FHIP1B: variants seen among roughly 807,000 people sequenced by gnomAD.
The protein encoded by FHIP1B is FHF complex subunit HOOK-interacting protein 1B.
In FHIP1B, 28 loss-of-function variants were observed where a neutral mutation model predicts 82.2. The observed-to-expected ratio is 0.34, with a 90% CI of 0.25 to 0.47. The LOEUF is 0.47. FHIP1B is among the 20% of genes least tolerant of loss of function. FHIP1B has a pLI of 1.00. For missense variants in FHIP1B, 1,110 were observed against 1,262.6 expected, an observed-to-expected ratio of 0.88 and a Z score of 1.83; for synonymous variants, 585 against 516.1, an observed-to-expected ratio of 1.13 and a Z score of -1.81.
chr11:6,231,080 G>A (rs1028453967), intron 1 of FHIP1B, among the ~76,000 whole-genome samples: 1 of 152,174 alleles, frequency 6.6e-6, no homozygotes, highest in Non-Finnish European at 1.5e-5. Context: ...CCAGAAAATA[G>A]CAAGTTTTAA....
chr11:6,223,803 T>C lies in FHIP1B; in HGVS notation c.584A>G (p.Glu195Gly). Reference sequence around the variant, plus strand: ...CTCAGGAGGTGGCTGCAGGAAGAACTCGAGCAATGAAGGCTCCTGGGCCAC... The same window carrying C: ...CTCAGGAGGTGGCTGCAGGAAGAACCCGAGCAATGAAGGCTCCTGGGCCAC... ...VCVAQEPSLL[E>G]FFLQPPPEPG... Residue 195 changes from glutamate (E) to glycine (G), a missense_variant, in exon 3 of 12, where the codon GAG becomes GGG. Physicochemically the swap from Glu to Gly is moderately conservative, Grantham distance 98. Around this residue, in one of 6 missense-constraint regions of FHIP1B, gnomAD observed 467 missense variants for 602.9 expected, o/e 0.77. Coordinates refer to ENST00000449352, the MANE Select transcript of FHIP1B (RefSeq NM_001098794.2). The surrounding 1 kb of genome is among the most constrained non-coding windows in gnomAD (Gnocchi z 4.8). 3.1e-6 allele frequency: 5 copies of C among 1,614,132 alleles called. No homozygotes were observed. Among genetic ancestry groups the C allele is most frequent in the Non-Finnish European group, 4.2e-6 (5 of 1,180,020 alleles).
At chr11:6,224,349 G>C in intron 2 of FHIP1B, 30 bp downstream of exon 2, 1 of 1,614,238 alleles carries the variant, frequency 6.2e-7, no homozygotes, top group Non-Finnish European at 8.5e-7. Context: ...GTGATCAGCA[G>C]ACAAGGCCCT....
At position 6,222,883 on chromosome 11, in the gene FHIP1B, C is replaced by G. The variant is rs561498355; in HGVS notation, c.951G>C (p.Leu317=). 22 of 1,614,100 alleles carry G rather than the reference C, an allele frequency of 1.4e-5. No homozygotes were observed. In the South Asian group the frequency reaches 1.6e-4, roughly 12 times the overall value. ...TATAATCAACCAACTGCTTCTGCACCAGGGGGTGAGCCACCTGTAGGAGTG... is the reference window on the plus strand; with the variant it reads ...TATAATCAACCAACTGCTTCTGCACGAGGGGGTGAGCCACCTGTAGGAGTG... ...CNAVIQVAHP[L]VQKQLVDYIH... The change falls in exon 5 of 12, where the codon CTG becomes CTC. Residue 317 remains leucine (L), a synonymous_variant. Coordinates refer to ENST00000449352, the MANE Select transcript of FHIP1B (RefSeq NM_001098794.2).
intron 6 of FHIP1B, among the ~76,000 whole-genome samples, 177 bp from the exon 7 acceptor site, chr11:6,219,227 T>C (rs1436074668): frequency 1.3e-5 from 2 of 152,192 alleles, no homozygotes; most frequent in Non-Finnish European, 2.9e-5. Context: ...AGCTAGATGA[T>C]CACACGATCT....
At chr11:6,234,182 T>C (rs1043140791) in intron 1 of FHIP1B, among the ~76,000 whole-genome samples, 3 of 151,956 alleles carry the variant, frequency 2.0e-5, no homozygotes, top group Non-Finnish European at 4.4e-5. Flanking sequence ...CCCTCACCAA[T>C]TTGCCGCCAC....
In FHIP1B at chr11:6,214,925, G is replaced by T. The variant is rs757605368; in HGVS notation, c.2216-14C>A. ...CCATGAAGGGGCCTGGGTTGGGGGGGAGGTGGGCACAAGGATACAAAGCCT... is the reference window on the plus strand; with the variant it reads ...CCATGAAGGGGCCTGGGTTGGGGGGTAGGTGGGCACAAGGATACAAAGCCT... On this transcript the variant is annotated splice_polypyrimidine_tract_variant and intron_variant, in intron 9 of 11. Coordinates refer to ENST00000449352, the MANE Select transcript of FHIP1B (RefSeq NM_001098794.2). The T allele has an allele frequency of 1.3e-6, 2 of 1,537,950 alleles. No individual in the cohort carries two copies. Among genetic ancestry groups the T allele is most frequent in the Non-Finnish European group, 8.8e-7 (1 of 1,140,500 alleles).
chr11:6,223,793 C>A lies in FHIP1B; in HGVS notation c.594G>T (p.Leu198=). Residue 198 remains leucine (L), a synonymous_variant, in exon 3 of 12, where the codon CTG becomes CTT. Transcript: ENST00000449352. The surrounding 1 kb of genome is among the most constrained non-coding windows in gnomAD (Gnocchi z 4.8). ...CGGCTCCAGGCTCAGGAGGTGGCTG[C>A]AGGAAGAACTCGAGCAATGAAGGCT... ...AQEPSLLEFF[L]QPPPEPGAAP... The A allele has an allele frequency of 6.2e-7, 1 of 1,614,192 alleles. No homozygotes were observed. The highest frequency in any genetic ancestry group is 2.2e-5 in the East Asian group (1 of 44,878).
chr11:6,214,358 G>A (rs1319939072), intron 11 of FHIP1B, 53 bp downstream of exon 11: 23 of 1,538,282 alleles, frequency 1.5e-5, no homozygotes, highest in Non-Finnish European at 2.6e-6. Flanking sequence ...ATTAACCTGG[G>A]TTAATAGGCT....
Position 6,214,508 on chromosome 11 carries a change from C to A in FHIP1B, c.2460G>T (p.Leu820=), listed in dbSNP as rs1369895187. 11 of 1,614,068 alleles carry A rather than the reference C, an allele frequency of 6.8e-6. No individual in the cohort carries two copies. Among genetic ancestry groups the A allele is most frequent in the Non-Finnish European group, 9.3e-6 (11 of 1,180,020 alleles). The part of the protein sequence containing the change: ...FAASQEDFPA[L]LSKAKKYLIA... ...TGAGGTACTTCTTGGCTTTGGACAG[C>A]AGTGCTGGGAAGTCCTCCTGGGAAG... Residue 820 remains leucine, a synonymous_variant, in exon 11 of 12, where the codon CTG becomes CTT. Transcript: ENST00000449352.
At chr11:6,219,454 T>C (rs1040365399) in intron 6 of FHIP1B, among the ~76,000 whole-genome samples, 12 of 152,170 alleles carry the variant, frequency 7.9e-5, no homozygotes, top group African/African-American at 2.9e-4. Context: ...GAAGGGACTG[T>C]AGCAATACAG....
rs781090912 is a variant in FHIP1B at position 6,217,448 on chromosome 11, CAGGTGA to C, written c.2132_2137del (p.Phe711_Thr712del). On this transcript the variant is annotated inframe_deletion, in exon 9 of 12. Transcript: ENST00000449352. ...GAAGGGGCCAGGGGGCTCAGGGGGACAGGTGAAGCTCTCGTAGGCCTCCTCCTCCTC... is the reference window on the plus strand; with the variant it reads ...GAAGGGGCCAGGGGGCTCAGGGGGACAGCTCTCGTAGGCCTCCTCCTCCTC... 1 of 1,613,840 alleles carries C rather than the reference CAGGTGA, an allele frequency of 6.2e-7. No homozygotes were observed. Among genetic ancestry groups the C allele is most frequent in the South Asian group, 1.1e-5 (1 of 91,056 alleles).
chr11:6,221,078 T>C (rs1847392824), intron 6 of FHIP1B, among the ~76,000 whole-genome samples: 1 of 152,218 alleles, frequency 6.6e-6, no homozygotes, highest in African/African-American at 2.4e-5. Flanking sequence ...CAGAATCTGT[T>C]GTAGTTGTTA....
rs750336638 is a variant in FHIP1B at position 6,224,415 on chromosome 11, C to T, written c.102G>A (p.Glu34=). 1 of 1,614,170 alleles carries T rather than the reference C, an allele frequency of 6.2e-7. No homozygotes were observed. The highest frequency in any genetic ancestry group is 8.5e-7 in the Non-Finnish European group (1 of 1,180,034). The change falls in exon 2 of 12, where the codon GAG becomes GAA. Residue 34 remains glutamate (E), a synonymous_variant. Transcript: ENST00000449352. The stretch of plus-strand genomic sequence containing the variant: ...GATTCTTGAAGACCATGAGGCAGGT[C>T]TCGGGATCAGCCATGACTGGGGTTT... ...NLQTPVMADP[E]TCLMVFKNHW...
rs1180589926 is a variant in FHIP1B, at chr11:6,217,445, G to A, written c.2141C>T (p.Pro714Leu). The A allele has an allele frequency of 6.2e-7, 1 of 1,613,984 alleles. No homozygotes were observed. The highest frequency in any genetic ancestry group is 8.5e-7 in the Non-Finnish European group (1 of 1,179,914). Residue 714 changes from proline (P) to leucine (L), a missense_variant, in exon 9 of 12, where the codon CCC (proline) becomes CTC (leucine). Physicochemically the swap from Pro to Leu is moderately conservative, Grantham distance 98. Transcript: ENST00000449352. The stretch of plus-strand genomic sequence containing the variant: ...GAGGAAGGGGCCAGGGGGCTCAGGG[G>A]GACAGGTGAAGCTCTCGTAGGCCTC... ...EEEAYESFTC[P>L]PEPPGPFLSS...
At chr11:6,222,309 G>C in intron 6 of FHIP1B, 133 bp downstream of exon 6, 1 of 981,602 alleles carries the variant, frequency 1.0e-6, no homozygotes, top group Non-Finnish European at 1.6e-6. Context: ...ATGCTGGAAA[G>C]TTAATGCCAC....
intron 6 of FHIP1B, among the ~76,000 whole-genome samples, chr11:6,221,559 T>G (rs780345238): frequency 1.3e-5 from 2 of 152,164 alleles, no homozygotes; most frequent in Non-Finnish European, 2.9e-5. Context: ...CCCTCTATTT[T>G]TATCTCATTC....
In FHIP1B at chr11:6,217,539, C is replaced by G; in HGVS notation, c.2047G>C (p.Val683Leu). ...CCAGTTCCCCCATTGCTCAATGCCA[C>G]CTCTAGCTCCCGGAGCTCCTGCCCA... is the stretch of plus-strand genomic sequence containing the variant. Reference protein sequence around the residue: ...GFGQELRELEVALSNGGTGSE... With the variant: ...GFGQELRELELALSNGGTGSE... Residue 683 changes from valine (V) to leucine (L), a missense_variant, in exon 9 of 12, where the codon GTG (valine) becomes CTG (leucine). Val to Leu is a conservative substitution (Grantham distance 32). Coordinates refer to ENST00000449352, the MANE Select transcript of FHIP1B (RefSeq NM_001098794.2). The G allele has an allele frequency of 6.2e-7, 1 of 1,609,924 alleles. No homozygotes were observed. The highest frequency in any genetic ancestry group is 1.3e-5 in the African/African-American group (1 of 74,972).
chr11:6,222,070 C>T (rs767530917), intron 6 of FHIP1B, among the ~76,000 whole-genome samples: 1 of 152,182 alleles, frequency 6.6e-6, no homozygotes, highest in Non-Finnish European at 1.5e-5. Flanking sequence ...CCTACCAAAG[C>T]AGACACACAA....
In FHIP1B at chr11:6,224,210, A is replaced by G. The variant is rs912201080; in HGVS notation, c.177T>C (p.Ala59=). The change falls in exon 3 of 12, where the codon GCT becomes GCC. Residue 59 remains alanine, a synonymous_variant. Coordinates refer to ENST00000449352, the MANE Select transcript of FHIP1B (RefSeq NM_001098794.2). The part of the protein sequence containing the change: ...RILERQGPRA[A]PGGADDLSAV... Reference sequence around the variant, plus strand: ...CACTGAGATCGTCTGCACCCCCAGGAGCTGCCCGAGGGCCTTGCCGCTCCA... The same window carrying G: ...CACTGAGATCGTCTGCACCCCCAGGGGCTGCCCGAGGGCCTTGCCGCTCCA... 6.2e-7 allele frequency: 1 copy of G among 1,611,446 alleles called. No homozygotes were observed. The highest frequency in any genetic ancestry group is 1.3e-5 in the African/African-American group (1 of 74,996).
Sources: allele counts gnomAD v4.1 joint callset (sites outside exome capture counted in the v4.1 genomes callset), GRCh38; gene constraint gnomAD v4.1.1; regional missense constraint gnomAD v4.1.1; non-coding constraint Gnocchi (gnomAD v3.1); transcripts MANE v1.5; gene names NCBI Gene and HGNC (gene_info 2026-07-23, HGNC 2026-07-21).